The following CCDC183 variants were observed in gnomAD, a reference collection of about 807,000 sequenced individuals.
The protein encoded by CCDC183 is coiled-coil domain-containing protein 183.
A neutral mutation model predicts 65.2 loss-of-function variants in CCDC183; 63 were observed. The observed-to-expected ratio is 0.97, with a 90% confidence interval of 0.79 to 1.19. CCDC183 has a LOEUF of 1.19. CCDC183 is among the 50% of genes most tolerant of loss of function. The pLI is 0.00. For missense variants in CCDC183, 769 were observed against 689.3 expected, an observed-to-expected ratio of 1.12 and a Z score of -1.30; for synonymous variants, 323 against 276.5, an observed-to-expected ratio of 1.17 and a Z score of -1.67.
In CCDC183 at chr9:136,800,094, G is replaced by A. The variant is rs1401828131; in HGVS notation, c.363G>A (p.Leu121=). 1 of 1,564,094 alleles carries A rather than the reference G, an allele frequency of 6.4e-7. No individual in the cohort carries two copies. Residue 121 remains leucine (L), a synonymous_variant, in exon 4 of 14, where the codon CTG becomes CTA. Transcript: ENST00000338005. The part of the protein sequence containing the change: ...IHLVRRRGQK[L]ESMQLELDSL... ...TGGTGCGGCGGCGCGGGCAGAAGCTGGAGAGCATGCAGCTGGAGCTGGACA... is the reference window on the plus strand; with the variant it reads ...TGGTGCGGCGGCGCGGGCAGAAGCTAGAGAGCATGCAGCTGGAGCTGGACA...
intron 5 of CCDC183, 95 bp downstream of exon 5, chr9:136,800,588 G>T (rs776823491): frequency 1.1e-6 from 1 of 890,784 alleles, no homozygotes. Flanking sequence ...ACCCGCCAGG[G>T]AGAGGGAGCT....
Position 136,800,777 on chromosome 9 carries a change from G to A in CCDC183, c.543+284G>A, listed in dbSNP as rs1163913300. On this transcript the variant is annotated intron_variant, in intron 5 of 13. Coordinates refer to ENST00000338005, the MANE Select transcript of CCDC183 (RefSeq NM_001039374.5). Reference sequence around the variant, plus strand: ...TTGCCTGTCATTTTCTCATTGCCTGGGCCTCTGAGAGTCAGACAGGTCCTG... The same window carrying A: ...TTGCCTGTCATTTTCTCATTGCCTGAGCCTCTGAGAGTCAGACAGGTCCTG... 16 of 384,374 alleles carry A rather than the reference G, an allele frequency of 4.2e-5. No homozygotes were observed. In the East Asian group the frequency reaches 1.0e-3, roughly 24 times the overall value. The allele number at this position is 384,374 out of a possible 1,614,324, so 23.8% of individuals were successfully genotyped here. A position where few individuals can be genotyped will look rare whatever the true frequency, so the allele number is the denominator to read the frequency against.
At chr9:136,807,511 G>T in intron 13 of CCDC183, 61 bp from the exon 14 acceptor site, 1 of 1,478,704 alleles carries the variant, frequency 6.8e-7, no homozygotes, top group South Asian at 1.4e-5. Context: ...GCGAGAGGCG[G>T]GTCGGGCGGC....
rs764944628 is a variant in CCDC183, at chr9:136,800,373, C to T, written c.439-16C>T. On this transcript the variant is annotated splice_polypyrimidine_tract_variant and intron_variant, in intron 4 of 13. Transcript: ENST00000338005. The stretch of plus-strand genomic sequence containing the variant: ...CGGTCCCCACGCCCTCTCACTGCGC[C>T]CTCGGTCCGCCCCAGATCATCCGCC... 1 of 1,599,722 alleles carries T rather than the reference C, an allele frequency of 6.3e-7. No individual in the cohort carries two copies. Among genetic ancestry groups the T allele is most frequent in the Non-Finnish European group, 8.5e-7 (1 of 1,171,996 alleles).
In CCDC183 at chr9:136,804,340, GC is replaced by G; in HGVS notation, c.667-160del. ...GGCAAGGAGGGCCGTGAGCTGAGGG[GC>G]CACGGGCACAAGTGGTTTAGGAAAA... On this transcript the variant is annotated intron_variant, in intron 6 of 13. Coordinates refer to ENST00000338005, the MANE Select transcript of CCDC183 (RefSeq NM_001039374.5). This position sits in a 1 kb window ranked among gnomAD's most constrained non-coding sequence, Gnocchi z 4.1. 1 of 956,384 alleles carries G rather than the reference GC, an allele frequency of 1.0e-6. No individual in the cohort carries two copies. The allele number at this position is 956,384 out of a possible 1,614,324, so 59.2% of individuals were successfully genotyped here. A position where few individuals can be genotyped will look rare whatever the true frequency, so the allele number is the denominator to read the frequency against.
intron 9 of CCDC183, 127 bp from the exon 10 acceptor site, chr9:136,805,951 A>G (rs1847837395): frequency 1.3e-6 from 1 of 754,426 alleles, no homozygotes; most frequent in African/African-American, 1.8e-5. Flanking sequence ...CTGTGATCAC[A>G]CTTGTGAATG....
rs1051281438 is a variant in CCDC183 at position 136,804,136 on chromosome 9, G to A, written c.667-366G>A. The A allele has an allele frequency of 2.2e-4, 57 of 254,000 alleles. No homozygotes were observed. Among genetic ancestry groups the A allele is most frequent in the African/African-American group, 7.7e-4 (35 of 45,254 alleles). The allele number at this position is 254,000 out of a possible 1,614,324, so 15.7% of individuals were successfully genotyped here. A position where few individuals can be genotyped will look rare whatever the true frequency, so the allele number is the denominator to read the frequency against. The stretch of plus-strand genomic sequence containing the variant: ...GCGTGAGCAGGGGTTAGCAGATGAC[G>A]GTTTTAGCTGCCCAAGGGCACGCTG... On this transcript the variant is annotated intron_variant, in intron 6 of 13. Coordinates refer to ENST00000338005, the MANE Select transcript of CCDC183 (RefSeq NM_001039374.5). The surrounding 1 kb of genome is among the most constrained non-coding windows in gnomAD (Gnocchi z 4.1).
intron 5 of CCDC183, among the ~76,000 whole-genome samples, chr9:136,802,375 A>G (rs1239830257): frequency 2.0e-5 from 3 of 152,178 alleles, no homozygotes; most frequent in Non-Finnish European, 1.5e-5. Context: ...ACTGTCCCCA[A>G]ACCTCCCCGG....
In CCDC183 at chr9:136,799,110, C is replaced by T. The variant is rs1437697370; in HGVS notation, c.79C>T (p.Arg27Trp). 13 of 1,613,074 alleles carry T rather than the reference C, an allele frequency of 8.1e-6. No homozygotes were observed. The highest frequency in any genetic ancestry group is 1.7e-4 in the Middle Eastern group (1 of 6,036). The change falls in exon 2 of 14, where the codon CGG (arginine) becomes TGG (tryptophan). Residue 27 changes from arginine (R) to tryptophan (W), a missense_variant. Physicochemically the swap from Arg to Trp is moderately radical, Grantham distance 101. Transcript: ENST00000338005. Reference protein sequence around the residue: ...KTITQLQEQCRALQIQGVKEN... With the variant: ...KTITQLQEQCWALQIQGVKEN... ...CCTCCACCTGCCCACAGAGCAGTGT[C>T]GGGCACTCCAGATCCAAGGGGTGAA...
At position 136,806,825 on chromosome 9, in the gene CCDC183, G is replaced by C; in HGVS notation, c.1347G>C (p.Thr449=). The stretch of plus-strand genomic sequence containing the variant: ...TGGCGTACTGCGAGGGGAAGCTCAC[G>C]TACCTGGCTGACAGAGTGCAGATGG... ...SKLAYCEGKL[T]YLADRVQMVS... Residue 449 remains threonine, a synonymous_variant, in exon 12 of 14, where the codon ACG becomes ACC. Coordinates refer to ENST00000338005, the MANE Select transcript of CCDC183 (RefSeq NM_001039374.5). The C allele has an allele frequency of 6.2e-7, 1 of 1,613,638 alleles. No homozygotes were observed. Among genetic ancestry groups the C allele is most frequent in the Non-Finnish European group, 8.5e-7 (1 of 1,180,024 alleles).
chr9:136,800,152 G>A lies in CCDC183; in HGVS notation c.421G>A (p.Glu141Lys), dbSNP rs1309529264. The change falls in exon 4 of 14, where the codon GAG becomes AAG. Residue 141 changes from glutamate to lysine, a missense_variant. Transcript: ENST00000338005. The stretch of plus-strand genomic sequence containing the variant: ...GAGCCAGCCCGACGCCAGCAAGGAG[G>A]AGCTGCGGCTGCTGCAGGTGGAGAG... The part of the protein sequence containing the change: ...LRSQPDASKE[E>K]LRLLQIIRQL... The A allele has an allele frequency of 2.6e-6, 4 of 1,534,322 alleles. No individual in the cohort carries two copies. Among genetic ancestry groups the A allele is most frequent in the East Asian group, 2.4e-5 (1 of 40,868 alleles).
At chr9:136,798,065 G>C (rs984804516) in intron 1 of CCDC183, among the ~76,000 whole-genome samples, 1 of 152,114 alleles carries the variant, frequency 6.6e-6, no homozygotes, top group Non-Finnish European at 1.5e-5. Flanking sequence ...GAGTGCAATG[G>C]TGCAATCTCA....
chr9:136,796,903 C>T (rs912486154), intron 1 of CCDC183, among the ~76,000 whole-genome samples: 11 of 152,108 alleles, frequency 7.2e-5, no homozygotes, highest in African/African-American at 2.7e-4. Context: ...GAGATATGGC[C>T]TCGTGGGAAA....
At position 136,805,440 on chromosome 9, in the gene CCDC183, C is replaced by CGGT; in HGVS notation, c.933_935dup (p.Arg311_Cys312insTrp). On this transcript the variant is annotated inframe_insertion, in exon 9 of 14. Transcript: ENST00000338005. Reference sequence around the variant, plus strand: ...GGTGGAGAAGGTCAAGAGTGCTGTACGGTGCTCTCACGTCTGGGTAATGCC... The same window carrying CGGT: ...GGTGGAGAAGGTCAAGAGTGCTGTACGGTGGTGCTCTCACGTCTGGGTAATGCC... 6.2e-7 allele frequency: 1 copy of CGGT among 1,613,906 alleles called. No homozygotes were observed. The highest frequency in any genetic ancestry group is 8.5e-7 in the Non-Finnish European group (1 of 1,179,894).
chr9:136,799,070 C>T (rs1159439461), intron 1 of CCDC183, 32 bp from the exon 2 acceptor site: 1 of 1,611,298 alleles, frequency 6.2e-7, no homozygotes, highest in Non-Finnish European at 8.5e-7. Flanking sequence ...TGGCCCAATC[C>T]TAGCCACTGT....
rs1412442536 is a variant in CCDC183 at position 136,804,280 on chromosome 9, C to T, written c.667-222C>T. ...CTGGGGGCCAGCGGCTGGAGGGCAG[C>T]AGAGCGTCTGGGCTGGCACATGCTC... On this transcript the variant is annotated intron_variant, in intron 6 of 13. Coordinates refer to ENST00000338005, the MANE Select transcript of CCDC183 (RefSeq NM_001039374.5). This position sits in a 1 kb window ranked among gnomAD's most constrained non-coding sequence, Gnocchi z 4.1. 5.3e-6 allele frequency: 3 copies of T among 565,372 alleles called. No homozygotes were observed. Among genetic ancestry groups the T allele is most frequent in the Non-Finnish European group, 9.1e-6 (3 of 328,062 alleles). 35.0% of individuals were successfully genotyped at this position (565,372 alleles called of 1,614,324 possible).
At chr9:136,803,624 CCT>C (rs1027010990) in intron 6 of CCDC183, among the ~76,000 whole-genome samples, 14 of 152,346 alleles carry the variant, frequency 9.2e-5, no homozygotes, top group African/African-American at 3.4e-4. Flanking sequence ...CCACACAGCC[CCT>C]GAGCCAGCTC....
chr9:136,805,252 G>A, intron 8 of CCDC183, 105 bp from the exon 9 acceptor site: 1 of 898,376 alleles, frequency 1.1e-6, no homozygotes, highest in Non-Finnish European at 1.7e-6. Context: ...TGTGTCTTGG[G>A]TGGCCGCCCC....
chr9:136,807,100 G>A (rs1191543978), intron 13 of CCDC183, 34 bp downstream of exon 13: 2 of 1,605,024 alleles, frequency 1.2e-6, no homozygotes, highest in Admixed American at 1.7e-5. Flanking sequence ...CGGGCTGCAG[G>A]CGGGTGGCTG....
Sources: gnomAD v4.1 joint callset for allele counts (sites outside exome capture counted in the v4.1 genomes callset) on GRCh38, gnomAD v4.1.1 for gene constraint, Gnocchi (gnomAD v3.1) non-coding constraint, MANE v1.5 for transcripts, NCBI Gene and HGNC (gene_info 2026-07-23, HGNC 2026-07-21) for gene names.